Variants in EPN2 observed in about 807,000 individuals in gnomAD.
EPN2 encodes the protein epsin 2, also known as epsin-2.
Under a neutral mutation model 61.7 loss-of-function variants are expected in EPN2, and 34 were observed. That is an observed-to-expected ratio of 0.55 (90% CI 0.42 to 0.73). The LOEUF is 0.73. EPN2 is among the 30% of genes least tolerant of loss of function. EPN2 has a pLI of 0.00. For missense variants in EPN2, 714 were observed against 839.2 expected, an observed-to-expected ratio of 0.85 and a Z score of 1.84; for synonymous variants, 349 against 353.6, an observed-to-expected ratio of 0.99 and a Z score of 0.15.
intron 1 of EPN2, among the ~76,000 whole-genome samples, chr17:19,275,801 C>T (rs2045300021): frequency 6.6e-6 from 1 of 152,198 alleles, no homozygotes; most frequent in African/African-American, 2.4e-5. Flanking sequence ...AAGAACCTTA[C>T]CTAGTTCTGG....
At chr17:19,265,411 A>G (rs1340007958) in intron 1 of EPN2, among the ~76,000 whole-genome samples, 5 of 151,756 alleles carry the variant, frequency 3.3e-5, no homozygotes, top group African/African-American at 1.2e-4. Flanking sequence ...AGGAAGTTAC[A>G]TGCGGTCTCA....
intron 4 of EPN2, among the ~76,000 whole-genome samples, chr17:19,293,845 T>A (rs903790770): frequency 3.3e-5 from 5 of 152,004 alleles, no homozygotes; most frequent in African/African-American, 1.2e-4. Flanking sequence ...CCCAGCACTT[T>A]GGGAGGCCGA....
chr17:19,281,953 A>G lies in EPN2; in HGVS notation c.-293-2A>G, dbSNP rs2045362889. ...AATCTGTAACATTCATTTATTTAACAGTGTTCATTTCTGTGTCGGGCACAG... is the reference window on the plus strand; with the variant it reads ...AATCTGTAACATTCATTTATTTAACGGTGTTCATTTCTGTGTCGGGCACAG... On this transcript the variant is annotated splice_acceptor_variant, in intron 1 of 10. Coordinates refer to ENST00000314728, the MANE Select transcript of EPN2 (RefSeq NM_014964.5). LOFTEE classifies it low-confidence loss of function (5UTR_SPLICE). 1 of 152,194 alleles carries G rather than the reference A, an allele frequency of 6.6e-6. No homozygotes were observed. The highest frequency in any genetic ancestry group is 1.5e-5 in the Non-Finnish European group (1 of 68,050). The allele number at this position is 152,194 out of a possible 1,614,324, so 9.4% of individuals were successfully genotyped here. A position where few individuals can be genotyped will look rare whatever the true frequency, so the allele number is the denominator to read the frequency against.
At chr17:19,300,395 G>A (rs1244799116) in intron 4 of EPN2, among the ~76,000 whole-genome samples, 4 of 149,266 alleles carry the variant, frequency 2.7e-5, no homozygotes, top group East Asian at 2.0e-4. Context: ...AGGTAAGTAT[G>A]TGCTCTTACA....
At chr17:19,304,695 A>C (rs1905737524) in intron 4 of EPN2, among the ~76,000 whole-genome samples, 1 of 152,150 alleles carries the variant, frequency 6.6e-6, no homozygotes, top group Non-Finnish European at 1.5e-5. Context: ...CACAGGCCCC[A>C]CTGTCTTCAT....
intron 1 of EPN2, among the ~76,000 whole-genome samples, chr17:19,259,942 C>G (rs898615417): frequency 5.3e-5 from 8 of 152,342 alleles, no homozygotes; most frequent in African/African-American, 1.7e-4. Flanking sequence ...TGCATACCCA[C>G]CTCGTCTGCC....
chr17:19,276,773 G>GTTTTTTTTTT (rs80078595), intron 1 of EPN2, among the ~76,000 whole-genome samples: 30 of 119,310 alleles, frequency 2.5e-4, no homozygotes, highest in African/African-American at 1.2e-3. Context: ...ATGAGAATAA[G>GTTTTTTTTTT]TTTTTTTTTT....
chr17:19,325,934 A>C (rs1432156753), intron 7 of EPN2, among the ~76,000 whole-genome samples: 1 of 152,234 alleles, frequency 6.6e-6, no homozygotes, highest in Non-Finnish European at 1.5e-5. Flanking sequence ...GCTGGGTACA[A>C]AAGAGTATAC....
intron 4 of EPN2, among the ~76,000 whole-genome samples, chr17:19,289,724 G>GTTTTTGTTTT (rs2045442474): frequency 1.3e-5 from 1 of 78,028 alleles, no homozygotes; most frequent in Non-Finnish European, 2.3e-5. Context: ...GGCGCTCATG[G>GTTTTTGTTTT]TTTTTTTTTT....
At chr17:19,243,384 ATTTTTTTTTT>A (rs1013094131) in intron 1 of EPN2, among the ~76,000 whole-genome samples, 44 of 77,266 alleles carry the variant, frequency 5.7e-4, no homozygotes, top group African/African-American at 2.1e-3. Flanking sequence ...TGCCTGGCTA[ATTTTTTTTTT>A]TTTTTTTTTT....
chr17:19,323,863 G>T (rs1297752178), intron 7 of EPN2, among the ~76,000 whole-genome samples: 1 of 152,234 alleles, frequency 6.6e-6, no homozygotes, highest in South Asian at 2.1e-4. Context: ...AACACTAAGA[G>T]AATTTGTTGC....
chr17:19,321,240 G>T (rs1302108605), intron 7 of EPN2, among the ~76,000 whole-genome samples: 3 of 152,102 alleles, frequency 2.0e-5, no homozygotes, highest in Non-Finnish European at 2.9e-5. Flanking sequence ...TGGCTAGGAG[G>T]TGACCACCAA....
At chr17:19,286,242 T>C (rs1037368193) in intron 4 of EPN2, among the ~76,000 whole-genome samples, 2 of 152,192 alleles carry the variant, frequency 1.3e-5, no homozygotes, top group Admixed American at 1.3e-4. Context: ...TTATCCTTAA[T>C]GCAGTAATGT....
chr17:19,296,368 C>T (rs976541853), intron 4 of EPN2, among the ~76,000 whole-genome samples: 2 of 152,058 alleles, frequency 1.3e-5, no homozygotes, highest in Non-Finnish European at 2.9e-5. Flanking sequence ...CCAGGCTGGT[C>T]TTGAACTCCT....
At chr17:19,277,077 G>A (rs1000108619) in intron 1 of EPN2, among the ~76,000 whole-genome samples, 1 of 152,066 alleles carries the variant, frequency 6.6e-6, no homozygotes, top group African/African-American at 2.4e-5. Context: ...CGAAAAAGAG[G>A]GAGAAGAAAA....
intron 4 of EPN2, among the ~76,000 whole-genome samples, chr17:19,305,131 T>G (rs1280581898): frequency 2.0e-5 from 3 of 151,812 alleles, no homozygotes; most frequent in Non-Finnish European, 1.5e-5. Context: ...TTTTTTTTTT[T>G]TTTTTTTTTT....
Position 19,329,620 on chromosome 17 carries a change from G to T in EPN2, c.1384G>T (p.Asp462Tyr). 1 of 1,612,680 alleles carries T rather than the reference G, an allele frequency of 6.2e-7. No individual in the cohort carries two copies. The highest frequency in any genetic ancestry group is 1.1e-5 in the South Asian group (1 of 91,018). The change falls in exon 9 of 11, where the codon GAC (aspartate) becomes TAC (tyrosine). Residue 462 changes from aspartate (D) to tyrosine (Y), a missense_variant. By Grantham distance (160) the Asp-to-Tyr change is radical (BLOSUM62 -3). Coordinates refer to ENST00000314728, the MANE Select transcript of EPN2 (RefSeq NM_014964.5). ...AATTAAAGATGACTTTTCTGAATTTGACAACCTTCGGACTTCAAAAAAAAC... is the reference window on the plus strand; with the variant it reads ...AATTAAAGATGACTTTTCTGAATTTTACAACCTTCGGACTTCAAAAAAAAC... Reference protein sequence around the residue: ...GTIKDDFSEFDNLRTSKKTAE... With the variant: ...GTIKDDFSEFYNLRTSKKTAE...
intron 1 of EPN2, among the ~76,000 whole-genome samples, chr17:19,276,773 G>GTTTTGTTTTTTTTTTTTTT (rs1555598436): frequency 8.4e-6 from 1 of 119,328 alleles, no homozygotes; most frequent in South Asian, 2.4e-4. Context: ...ATGAGAATAA[G>GTTTTGTTTTTTTTTTTTTT]TTTTTTTTTT....
At chr17:19,321,655 A>G (rs954847372) in intron 7 of EPN2, among the ~76,000 whole-genome samples, 3 of 152,080 alleles carry the variant, frequency 2.0e-5, no homozygotes, top group African/African-American at 4.8e-5. Context: ...GGAGTGAGAT[A>G]TTGTGCAGGG....
Sources: allele counts gnomAD v4.1 joint callset (sites outside exome capture counted in the v4.1 genomes callset), GRCh38; gene constraint gnomAD v4.1.1; transcripts MANE v1.5; gene names NCBI Gene and HGNC (gene_info 2026-07-23, HGNC 2026-07-21).